Variants in PRICKLE1 observed in about 807,000 individuals in gnomAD.
PRICKLE1 encodes the protein prickle-like protein 1.
A neutral mutation model predicts 70.2 loss-of-function variants in PRICKLE1; 14 were observed. The ratio of observed to expected loss-of-function variants is 0.20; its 90% CI spans 0.13 to 0.31. The LOEUF is 0.31. Among genes scored for constraint, PRICKLE1 ranks in the 10% least tolerant of loss-of-function variants. The probability of loss-of-function intolerance (pLI) is 1.00; values close to 1 mark genes in which losing one functional copy is unlikely to be tolerated. For synonymous variants in PRICKLE1, 357 were observed against 379.9 expected, an observed-to-expected ratio of 0.94 and a Z score of 0.70; for missense variants, 821 against 1,026.2, an observed-to-expected ratio of 0.80 and a Z score of 2.73.
At chr12:42,507,002 C>A (rs969670190) in intron 1 of PRICKLE1, among the ~76,000 whole-genome samples, 1 of 152,180 alleles carries the variant, frequency 6.6e-6, no homozygotes, top group Non-Finnish European at 1.5e-5. Flanking sequence ...GCCATTTCAT[C>A]ATCTAATATC....
chr12:42,468,542 A>C, intron 5 of PRICKLE1, 84 bp downstream of exon 5: 1 of 1,194,742 alleles, frequency 8.4e-7, no homozygotes. Flanking sequence ...AGGAAATTTT[A>C]GTATTTTGCT....
chr12:42,557,428 C>T (rs1447837164), intron 1 of PRICKLE1, among the ~76,000 whole-genome samples: 1 of 152,132 alleles, frequency 6.6e-6, no homozygotes, highest in African/African-American at 2.4e-5. Context: ...AACTTGCCAG[C>T]TCAAGTAGCT....
intron 1 of PRICKLE1, among the ~76,000 whole-genome samples, chr12:42,491,590 G>A (rs180752592): frequency 1.3e-5 from 2 of 151,856 alleles, no homozygotes; most frequent in Admixed American, 1.3e-4. Context: ...AAGAGCTCAG[G>A]GGCCTATCAT....
At chr12:42,479,951 T>C (rs1335109550) in intron 1 of PRICKLE1, among the ~76,000 whole-genome samples, 4 of 150,546 alleles carry the variant, frequency 2.7e-5, no homozygotes, top group Admixed American at 1.3e-4. Flanking sequence ...CGAAACTCCA[T>C]CTTAAAAAAA....
chr12:42,571,195 G>C (rs772848249), intron 1 of PRICKLE1, among the ~76,000 whole-genome samples: 8 of 151,820 alleles, frequency 5.3e-5, no homozygotes, highest in Non-Finnish European at 1.0e-4. Context: ...TGTGAAAGGA[G>C]GTAAACATAA....
intron 1 of PRICKLE1, among the ~76,000 whole-genome samples, chr12:42,530,677 A>G (rs1248306287): frequency 7.8e-6 from 1 of 128,204 alleles, no homozygotes; most frequent in Admixed American, 9.8e-5. Context: ...ATTTTATCAA[A>G]TAATTTTTTT....
intron 5 of PRICKLE1, among the ~76,000 whole-genome samples, chr12:42,467,708 G>A (rs540982468): frequency 3.3e-4 from 50 of 152,058 alleles, no homozygotes; most frequent in Admixed American, 2.7e-3. Context: ...ATTGCACCAC[G>A]GCACTCCAGC....
At position 42,517,306 on chromosome 12, in the gene PRICKLE1, ATTTTT is replaced by A. The variant is rs71794718; in HGVS notation, c.-48-44747_-48-44743del. ...ACTAAATGTGTGTACTCAGTCTGCC[ATTTTT>A]TTTTTTTTTTTTTTTTTTTGAGACA... On this transcript the variant is annotated intron_variant, in intron 1 of 7. Coordinates refer to ENST00000345127, the MANE Select transcript of PRICKLE1 (RefSeq NM_153026.3). 7.0e-3 allele frequency among the ~76,000 whole-genome samples: 623 copies of A among 88,940 alleles called. 7 individuals are homozygous for A. The highest frequency in any genetic ancestry group is 0.026 in the African/African-American group (566 of 22,182). 58.3% of individuals were successfully genotyped at this position (88,940 alleles called of 152,430 possible).
chr12:42,526,008 A>G (rs1385733103), intron 1 of PRICKLE1, among the ~76,000 whole-genome samples: 2 of 152,200 alleles, frequency 1.3e-5, no homozygotes, highest in East Asian at 3.9e-4. Flanking sequence ...CTTCTGTTGA[A>G]AACAGAATTA....
intron 4 of PRICKLE1, 144 bp from the exon 5 acceptor site, chr12:42,468,973 G>A: frequency 1.3e-6 from 1 of 782,992 alleles, no homozygotes; most frequent in Non-Finnish European, 2.1e-6. Context: ...GCTCTTTAAT[G>A]CTGGATTACT....
intron 1 of PRICKLE1, among the ~76,000 whole-genome samples, chr12:42,548,047 TG>T (rs1416941529): frequency 6.6e-6 from 1 of 152,136 alleles, no homozygotes; most frequent in East Asian, 1.9e-4. Context: ...AAATTTTGTT[TG>T]TTTGTTTTGT....
intron 1 of PRICKLE1, among the ~76,000 whole-genome samples, chr12:42,578,826 G>A (rs1000379414): frequency 3.3e-5 from 5 of 151,718 alleles, no homozygotes; most frequent in Admixed American, 6.6e-5. Flanking sequence ...GCAATGGCAC[G>A]ATCTTGGCTC....
At chr12:42,486,684 T>C (rs1295205622) in intron 1 of PRICKLE1, among the ~76,000 whole-genome samples, 1 of 152,232 alleles carries the variant, frequency 6.6e-6, no homozygotes, top group Admixed American at 6.5e-5. Context: ...ATAGTGACCC[T>C]GAGGTCTTTT....
intron 1 of PRICKLE1, among the ~76,000 whole-genome samples, chr12:42,538,584 T>C: frequency 6.6e-6 from 1 of 152,208 alleles, no homozygotes; most frequent in East Asian, 1.9e-4. Flanking sequence ...GCATGGAGTA[T>C]CAAGATTCTA....
rs189398722 is a variant in PRICKLE1 at position 42,462,087 on chromosome 12, C to T, written c.1640-1422G>A. ...TGCTGGGATTACAGGTGTGAGCCAC[C>T]GCGCCCGGCCCTATATAACTTCATA... On this transcript the variant is annotated intron_variant, in intron 7 of 7. Coordinates refer to ENST00000345127, the MANE Select transcript of PRICKLE1 (RefSeq NM_153026.3). Among the ~76,000 whole-genome samples, 1,012 of 152,278 alleles carry T rather than the reference C, an allele frequency of 6.6e-3. 10 individuals carry two copies. The highest frequency in any genetic ancestry group is 0.023 in the African/African-American group (969 of 41,568).
At position 42,535,671 on chromosome 12, in the gene PRICKLE1, C is replaced by T. The variant is rs142704058; in HGVS notation, c.-49+53794G>A. On this transcript the variant is annotated intron_variant, in intron 1 of 7. Transcript: ENST00000345127. ...ATGGTTACACACCCTCTAGTCCCAG[C>T]TATTGGGGAGGTCGAGGCAGGAGGA... Among the ~76,000 whole-genome samples the T allele has an allele frequency of 1.9e-3, 294 of 152,260 alleles. 1 individual carries two copies. Among genetic ancestry groups the T allele is most frequent in the African/African-American group, 6.8e-3 (281 of 41,552 alleles).
chr12:42,512,171 T>A (rs940385157), intron 1 of PRICKLE1, among the ~76,000 whole-genome samples: 1 of 152,026 alleles, frequency 6.6e-6, no homozygotes, highest in African/African-American at 2.4e-5. Context: ...TGGACAGATA[T>A]GTGTTTTGGT....
intron 1 of PRICKLE1, among the ~76,000 whole-genome samples, chr12:42,548,842 C>T (rs748939319): frequency 3.6e-4 from 55 of 152,058 alleles, no homozygotes; most frequent in Non-Finnish European, 5.1e-4. Context: ...AGGGTGAGGC[C>T]GGGCGCGGTG....
intron 1 of PRICKLE1, among the ~76,000 whole-genome samples, chr12:42,549,119 CAAAAAAAAAA>C (rs34355848): frequency 3.7e-5 from 2 of 53,968 alleles, no homozygotes; most frequent in Non-Finnish European, 6.2e-5. Flanking sequence ...ACCCTGTCTC[CAAAAAAAAAA>C]AAAAAAAAAA....
Sources: allele counts gnomAD v4.1 joint callset (sites outside exome capture counted in the v4.1 genomes callset), GRCh38; gene constraint gnomAD v4.1.1; transcripts MANE v1.5; gene names NCBI Gene and HGNC (gene_info 2026-07-23, HGNC 2026-07-21).